Variants in HIPK2 observed in about 807,000 individuals in gnomAD.
HIPK2 encodes homeodomain-interacting protein kinase 2.
Under a neutral mutation model 113.7 loss-of-function variants are expected in HIPK2, and 27 were observed. The observed-to-expected ratio is 0.24, with a 90% CI of 0.17 to 0.33. The LOEUF is 0.33. Among genes scored for constraint, HIPK2 ranks in the 10% least tolerant of loss-of-function variants. The probability of loss-of-function intolerance (pLI) is 1.00; values close to 1 mark genes in which losing one functional copy is unlikely to be tolerated. For missense variants in HIPK2, 1,257 were observed against 1,588.0 expected, an observed-to-expected ratio of 0.79 and a Z score of 3.54; for synonymous variants, 631 against 642.2, an observed-to-expected ratio of 0.98 and a Z score of 0.26.
chr7:139,583,413 G>C (rs1798733630), intron 13 of HIPK2: 1 of 177,048 alleles, frequency 5.6e-6, no homozygotes, highest in South Asian at 1.3e-4. Context: ...ACTCGGAGGA[G>C]GTTCTTCCTA....
rs201846027 is a variant in HIPK2, at chr7:139,583,988, T to G, written c.2794A>C (p.Asn932His). Reference sequence around the variant, plus strand: ...TGCTGCACGGAGTAGGGGCTGGTGTTGCTGGAGGAGTCGGAGTAGGGGGAG... The same window carrying G: ...TGCTGCACGGAGTAGGGGCTGGTGTGGCTGGAGGAGTCGGAGTAGGGGGAG... ...HDSPYSDSSSNTSPYSVQQRA... is the reference protein window; with the variant it reads ...HDSPYSDSSSHTSPYSVQQRA... Residue 932 changes from asparagine (N) to histidine (H), a missense_variant, in exon 13 of 15, where the codon AAC (asparagine) becomes CAC (histidine). This residue lies in a region of HIPK2 where 862 missense variants were observed against 1,004.3 expected (regional missense o/e 0.86). Coordinates refer to ENST00000406875, the MANE Select transcript of HIPK2 (RefSeq NM_022740.5). 3.5e-5 allele frequency: 57 copies of G among 1,613,922 alleles called. No individual in the cohort carries two copies. The African/African-American group carries it at 6.3e-4, about 18-fold the overall frequency.
At chr7:139,770,469 T>C (rs1796630588) in intron 1 of HIPK2, among the ~76,000 whole-genome samples, 1 of 152,194 alleles carries the variant, frequency 6.6e-6, no homozygotes, top group Admixed American at 6.5e-5. Flanking sequence ...GGAATAACGA[T>C]TCCATAGGTT....
chr7:139,679,213 TG>T (rs1363586406), intron 2 of HIPK2, among the ~76,000 whole-genome samples: 1 of 152,162 alleles, frequency 6.6e-6, no homozygotes. Flanking sequence ...ATAGGCGTGG[TG>T]AGAGAGGGCA....
intron 10 of HIPK2, among the ~76,000 whole-genome samples, chr7:139,602,381 T>C (rs1799463404): frequency 6.6e-6 from 1 of 152,188 alleles, no homozygotes; most frequent in Non-Finnish European, 1.5e-5. Flanking sequence ...ATAGATGTTC[T>C]TTGGCTCACA....
At chr7:139,681,129 C>T (rs1208905034) in intron 2 of HIPK2, among the ~76,000 whole-genome samples, 3 of 152,218 alleles carry the variant, frequency 2.0e-5, no homozygotes, top group African/African-American at 4.8e-5. Flanking sequence ...GCCCGTCAAC[C>T]ACAGCTCTCT....
intron 2 of HIPK2, among the ~76,000 whole-genome samples, chr7:139,662,157 C>T (rs1390378851): frequency 6.6e-6 from 1 of 152,174 alleles, no homozygotes; most frequent in Non-Finnish European, 1.5e-5. Flanking sequence ...TACAAGGGAC[C>T]TCGCCCTCTT....
At chr7:139,682,459 C>T (rs1802738321) in intron 2 of HIPK2, among the ~76,000 whole-genome samples, 1 of 152,190 alleles carries the variant, frequency 6.6e-6, no homozygotes, top group Non-Finnish European at 1.5e-5. Flanking sequence ...GTCAGTTCCA[C>T]CTTCTTCAGG....
At chr7:139,705,745 C>T (rs879549800) in intron 2 of HIPK2, among the ~76,000 whole-genome samples, 2 of 150,586 alleles carry the variant, frequency 1.3e-5, no homozygotes, top group African/African-American at 2.5e-5. Context: ...TGTAAAGTAG[C>T]AGATCTGGAA....
chr7:139,642,120 C>T (rs534786668), intron 2 of HIPK2, among the ~76,000 whole-genome samples: 3 of 152,154 alleles, frequency 2.0e-5, no homozygotes, highest in Non-Finnish European at 4.4e-5. Context: ...AGAAAAAGTC[C>T]GTTCCCACAA....
At chr7:139,600,030 T>G (rs1799362609) in intron 11 of HIPK2, among the ~76,000 whole-genome samples, 1 of 152,168 alleles carries the variant, frequency 6.6e-6, no homozygotes, top group South Asian at 2.1e-4. Context: ...AGAATCCTGT[T>G]AGGTCAGTTT....
intron 1 of HIPK2, among the ~76,000 whole-genome samples, chr7:139,734,066 AG>A (rs1795870440): frequency 6.6e-6 from 1 of 152,236 alleles, no homozygotes; most frequent in Non-Finnish European, 1.5e-5. Flanking sequence ...ATCCCTAATG[AG>A]TCACAATTAA....
At chr7:139,733,497 G>C (rs963357030) in intron 1 of HIPK2, among the ~76,000 whole-genome samples, 1 of 152,110 alleles carries the variant, frequency 6.6e-6, no homozygotes, top group South Asian at 2.1e-4. Flanking sequence ...TATAAACAAT[G>C]ATCTCAACTT....
chr7:139,702,286 A>G (rs2116854675), intron 2 of HIPK2, among the ~76,000 whole-genome samples: 1 of 152,146 alleles, frequency 6.6e-6, no homozygotes, highest in East Asian at 1.9e-4. Flanking sequence ...GTGGAAGGAC[A>G]TTTACAGGCT....
intron 2 of HIPK2, among the ~76,000 whole-genome samples, chr7:139,637,158 G>A (rs1181048028): frequency 1.3e-5 from 2 of 152,170 alleles, no homozygotes; most frequent in Non-Finnish European, 2.9e-5. Context: ...TCACCCCTGC[G>A]TCACCTGGAG....
At chr7:139,707,462 C>G (rs1315882722) in intron 2 of HIPK2, among the ~76,000 whole-genome samples, 2 of 152,242 alleles carry the variant, frequency 1.3e-5, no homozygotes, top group African/African-American at 4.8e-5. Flanking sequence ...CACAGGGCGG[C>G]ATCGAGGACT....
rs1288103134 is a variant in HIPK2, at chr7:139,717,094, C to T, written c.20-79G>A. 2.7e-6 allele frequency: 4 copies of T among 1,492,674 alleles called. No individual in the cohort carries two copies. The Admixed American group carries it at 6.5e-5, about 24-fold the overall frequency. 92.5% of individuals were successfully genotyped at this position (1,492,674 alleles called of 1,614,324 possible). ...AACTCAACAGATCCCCTTCAGTTCTCATCTGTGGCTTGGGCCATACAGAAT... is the reference window on the plus strand; with the variant it reads ...AACTCAACAGATCCCCTTCAGTTCTTATCTGTGGCTTGGGCCATACAGAAT... On this transcript the variant is annotated intron_variant, in intron 1 of 14. Transcript: ENST00000406875.
chr7:139,776,825 C>T (rs1796766950), intron 1 of HIPK2, among the ~76,000 whole-genome samples: 1 of 152,292 alleles, frequency 6.6e-6, no homozygotes, highest in South Asian at 2.1e-4. Flanking sequence ...TGAAGAGAAA[C>T]GAAAGACAGT....
At chr7:139,707,930 T>G (rs1319198084) in intron 2 of HIPK2, among the ~76,000 whole-genome samples, 1 of 152,020 alleles carries the variant, frequency 6.6e-6, no homozygotes, top group Non-Finnish European at 1.5e-5. Context: ...ACCCACTGCT[T>G]GCCAGTTCAC....
intron 2 of HIPK2, among the ~76,000 whole-genome samples, chr7:139,706,672 G>A (rs898012937): frequency 2.0e-5 from 3 of 152,144 alleles, no homozygotes; most frequent in Non-Finnish European, 2.9e-5. Context: ...GCCCAGCCTG[G>A]CTCCCGCCTG....
Sources: gnomAD v4.1 joint callset for allele counts (sites outside exome capture counted in the v4.1 genomes callset) on GRCh38, gnomAD v4.1.1 for gene constraint, gnomAD v4.1.1 regional missense constraint, MANE v1.5 for transcripts, NCBI Gene and HGNC (gene_info 2026-07-23, HGNC 2026-07-21) for gene names.